Variants in TOX observed in about 807,000 individuals in gnomAD.
TOX encodes the protein thymocyte selection associated high mobility group box, also known as thymocyte selection-associated high mobility group box protein TOX.
A neutral mutation model predicts 53.7 loss-of-function variants in TOX; 11 were observed. The ratio of observed to expected loss-of-function variants is 0.20; its 90% CI spans 0.13 to 0.34. The LOEUF (loss-of-function observed/expected upper bound fraction) is 0.34, where lower values mean the gene tolerates loss of function less well. TOX is among the 10% of genes least tolerant of loss of function. The pLI, the probability that TOX is intolerant of heterozygous loss-of-function variation, is 1.00. For missense variants in TOX, 570 were observed against 664.6 expected (o/e 0.86, Z 1.56); for synonymous variants, 225 against 245.3 (o/e 0.92, Z 0.77).
intron 4 of TOX, among the ~76,000 whole-genome samples, chr8:58,841,787 T>C (rs1420639906): frequency 6.6e-6 from 1 of 152,234 alleles, no homozygotes; most frequent in African/African-American, 2.4e-5. Flanking sequence ...CAATTTTATT[T>C]GTCAATTATA....
At chr8:58,977,594 G>T (rs1041128089) in intron 1 of TOX, among the ~76,000 whole-genome samples, 1 of 152,202 alleles carries the variant, frequency 6.6e-6, no homozygotes, top group East Asian at 1.9e-4. Flanking sequence ...TAAGCTTAAT[G>T]ATTTCTACTT....
chr8:59,002,331 G>A (rs376402055), intron 1 of TOX, among the ~76,000 whole-genome samples: 10 of 148,880 alleles, frequency 6.7e-5, no homozygotes, highest in African/African-American at 1.5e-4. Context: ...AGTGGCTCAC[G>A]CCTGTAATCC....
chr8:59,064,491 C>T (rs1364024369), intron 1 of TOX, among the ~76,000 whole-genome samples: 1 of 152,182 alleles, frequency 6.6e-6, no homozygotes, highest in Non-Finnish European at 1.5e-5. Flanking sequence ...ATTAACCATA[C>T]TTCATCAAGT....
rs2129165862 is a variant in TOX, at chr8:58,826,994, C to A, written c.925-92G>T. 3.7e-6 allele frequency: 3 copies of A among 800,828 alleles called. No homozygotes were observed. The East Asian group carries it at 8.9e-5, about 24-fold the overall frequency. The allele number at this position is 800,828 out of a possible 1,614,324, so 49.6% of individuals were successfully genotyped here. A position where few individuals can be genotyped will look rare whatever the true frequency, so the allele number is the denominator to read the frequency against. On this transcript the variant is annotated intron_variant, in intron 5 of 8. Transcript: ENST00000361421. ...ATAGAATGATAACTGCACACACAAA[C>A]ACACTTATAGTTATATAATATAATA...
chr8:58,862,235 G>A (rs1202200320), intron 3 of TOX, among the ~76,000 whole-genome samples: 1 of 152,120 alleles, frequency 6.6e-6, no homozygotes, highest in Non-Finnish European at 1.5e-5. Context: ...CTATTTTAAA[G>A]TGTCTGACTC....
intron 1 of TOX, among the ~76,000 whole-genome samples, chr8:59,109,565 T>G (rs141389393): frequency 6.6e-6 from 1 of 152,280 alleles, no homozygotes; most frequent in East Asian, 1.9e-4. Context: ...ACTGCTGCCA[T>G]GAATATAATA....
chr8:58,810,369 C>T (rs1257009637), intron 7 of TOX, among the ~76,000 whole-genome samples: 1 of 151,906 alleles, frequency 6.6e-6, no homozygotes, highest in Non-Finnish European at 1.5e-5. Flanking sequence ...GAGACAGGCT[C>T]TTGCTCTGTC....
chr8:58,992,937 T>A (rs1813483805), intron 1 of TOX: 1 of 152,218 alleles, frequency 6.6e-6, no homozygotes, highest in African/African-American at 2.4e-5. Flanking sequence ...GGATGAGCTC[T>A]CCCTGGATAC....
intron 3 of TOX, among the ~76,000 whole-genome samples, chr8:58,913,929 G>T (rs1344637185): frequency 6.6e-6 from 1 of 152,170 alleles, no homozygotes; most frequent in Non-Finnish European, 1.5e-5. Context: ...TCATGTCCTG[G>T]TTATTGGAGT....
chr8:59,060,588 C>G (rs559722563), intron 1 of TOX, among the ~76,000 whole-genome samples: 111 of 152,344 alleles, frequency 7.3e-4, no homozygotes, highest in African/African-American at 2.4e-3. Flanking sequence ...GATCACACCA[C>G]TGCACTCCAG....
At chr8:59,071,337 A>C (rs995954325) in intron 1 of TOX, among the ~76,000 whole-genome samples, 2 of 152,182 alleles carry the variant, frequency 1.3e-5, no homozygotes, top group African/African-American at 4.8e-5. Flanking sequence ...TACGTCTTTG[A>C]GAGTGAATGA....
At position 59,043,566 on chromosome 8, in the gene TOX, C is replaced by T. The variant is rs1250526632; in HGVS notation, c.102+75320G>A. 3.9e-5 allele frequency among the ~76,000 whole-genome samples: 6 copies of T among 152,012 alleles called. No individual in the cohort carries two copies. In the East Asian group the frequency reaches 1.2e-3, roughly 29 times the overall value. On this transcript the variant is annotated intron_variant, in intron 1 of 8. Coordinates refer to ENST00000361421, the MANE Select transcript of TOX (RefSeq NM_014729.3). ...GTCTCATAGATCCTTTCTCTATAGA[C>T]GGTTATAGAAAAGGTGTTCCATAGT...
chr8:59,069,035 C>T (rs1804145432), intron 1 of TOX, among the ~76,000 whole-genome samples: 1 of 152,108 alleles, frequency 6.6e-6, no homozygotes. Context: ...GGTTCAAGGG[C>T]ATAGTGCATG....
At chr8:59,063,188 T>TC (rs1804018944) in intron 1 of TOX, among the ~76,000 whole-genome samples, 1 of 152,152 alleles carries the variant, frequency 6.6e-6, no homozygotes, top group African/African-American at 2.4e-5. Context: ...TTTGTAAGAA[T>TC]CTCAATCAAA....
chr8:58,843,584 T>C (rs1810679226), intron 4 of TOX, among the ~76,000 whole-genome samples: 1 of 152,230 alleles, frequency 6.6e-6, no homozygotes, highest in Non-Finnish European at 1.5e-5. Context: ...TCTTTATAAA[T>C]GCAATAGAAT....
At chr8:59,082,237 T>C (rs1804422659) in intron 1 of TOX, among the ~76,000 whole-genome samples, 1 of 152,252 alleles carries the variant, frequency 6.6e-6, no homozygotes, top group African/African-American at 2.4e-5. Flanking sequence ...AGAGGACCAC[T>C]AATGCCTTAA....
At chr8:58,914,570 A>G (rs539805696) in intron 3 of TOX, among the ~76,000 whole-genome samples, 1 of 152,200 alleles carries the variant, frequency 6.6e-6, no homozygotes, top group Non-Finnish European at 1.5e-5. Context: ...AAATACTGGC[A>G]TCTAATGGGG....
intron 1 of TOX, among the ~76,000 whole-genome samples, chr8:58,983,807 T>C (rs968478355): frequency 2.6e-5 from 4 of 152,194 alleles, no homozygotes; most frequent in African/African-American, 9.6e-5. Flanking sequence ...CTGTAGTGCA[T>C]CAAGATCAGA....
chr8:59,014,227 G>A (rs1055164443), intron 1 of TOX, among the ~76,000 whole-genome samples: 4 of 152,184 alleles, frequency 2.6e-5, no homozygotes, highest in Admixed American at 6.5e-5. Flanking sequence ...TGTGGGGTAC[G>A]TAAGAAATTA....
Sources: allele counts gnomAD v4.1 joint callset (sites outside exome capture counted in the v4.1 genomes callset), GRCh38; gene constraint gnomAD v4.1.1; transcripts MANE v1.5; gene names NCBI Gene and HGNC (gene_info 2026-07-23, HGNC 2026-07-21).